The following PDZRN3 variants were observed in gnomAD, a reference collection of about 807,000 sequenced individuals.
PDZRN3 encodes the protein E3 ubiquitin-protein ligase PDZRN3.
In PDZRN3, 38 loss-of-function variants were observed where a neutral mutation model predicts 85.7. That is an observed-to-expected ratio of 0.44 (90% CI 0.34 to 0.58). The LOEUF is 0.58. Among genes scored for constraint, PDZRN3 ranks in the 20% least tolerant of loss-of-function variants. The pLI is 0.01. For missense variants in PDZRN3, 1,629 were observed against 1,506.4 expected (o/e 1.08, Z -1.35); for synonymous variants, 759 against 638.0 (o/e 1.19, Z -2.86).
chr3:73,483,728 A>G (rs1213986556), intron 3 of PDZRN3, among the ~76,000 whole-genome samples: 2 of 152,192 alleles, frequency 1.3e-5, no homozygotes, highest in Non-Finnish European at 2.9e-5. Context: ...GGTAGCCCAG[A>G]AGGAGGAGAC....
intron 3 of PDZRN3, among the ~76,000 whole-genome samples, chr3:73,558,899 A>C (rs930563580): frequency 9.2e-5 from 14 of 152,276 alleles, no homozygotes; most frequent in Non-Finnish European, 1.6e-4. Context: ...CAAAGGGATC[A>C]CAAGTGCTTC....
chr3:73,496,468 C>T (rs1277865042), intron 3 of PDZRN3, among the ~76,000 whole-genome samples: 3 of 151,948 alleles, frequency 2.0e-5, no homozygotes, highest in Non-Finnish European at 4.4e-5. Flanking sequence ...TGTCAACTCG[C>T]CATTCTTTTT....
chr3:73,531,277 G>C (rs907859406), intron 3 of PDZRN3, among the ~76,000 whole-genome samples: 6 of 147,016 alleles, frequency 4.1e-5, no homozygotes, highest in African/African-American at 1.5e-4. Context: ...AAAAAAAGGA[G>C]TGCTAACACT....
intron 3 of PDZRN3, among the ~76,000 whole-genome samples, chr3:73,411,666 G>A (rs1701971407): frequency 6.6e-6 from 1 of 150,892 alleles, no homozygotes; most frequent in Non-Finnish European, 1.5e-5. Context: ...TGGACACATA[G>A]AAGGGGCTGC....
chr3:73,446,237 A>G (rs1702745967), intron 3 of PDZRN3, among the ~76,000 whole-genome samples: 1 of 152,130 alleles, frequency 6.6e-6, no homozygotes, highest in Admixed American at 6.5e-5. Context: ...ACCATGACCT[A>G]CCTTGGCGTG....
intron 3 of PDZRN3, among the ~76,000 whole-genome samples, chr3:73,573,748 T>C (rs945684420): frequency 6.6e-6 from 1 of 152,168 alleles, no homozygotes. Context: ...GCTTTAAAAA[T>C]AGCCACACAC....
chr3:73,393,316 A>C (rs969981521), intron 5 of PDZRN3, among the ~76,000 whole-genome samples: 4 of 152,216 alleles, frequency 2.6e-5, no homozygotes, highest in Non-Finnish European at 4.4e-5. Context: ...GAAGTACAGA[A>C]GATTCTACAG....
intron 3 of PDZRN3, among the ~76,000 whole-genome samples, chr3:73,485,588 T>C (rs1011792143): frequency 1.3e-5 from 2 of 152,184 alleles, no homozygotes; most frequent in African/African-American, 2.4e-5. Context: ...TATTTTAGCA[T>C]AGGTGAGAGT....
chr3:73,599,064 A>C (rs1702472759), intron 3 of PDZRN3, among the ~76,000 whole-genome samples: 1 of 152,228 alleles, frequency 6.6e-6, no homozygotes, highest in African/African-American at 2.4e-5. Flanking sequence ...GCTTTTTATA[A>C]TTACCTGAGC....
chr3:73,450,848 TG>T (rs1314425747), intron 3 of PDZRN3, among the ~76,000 whole-genome samples: 1 of 152,132 alleles, frequency 6.6e-6, no homozygotes, highest in Non-Finnish European at 1.5e-5. Context: ...ACCCTCTGGA[TG>T]AGACCTGCAG....
rs372817785 is a variant in PDZRN3, at chr3:73,587,371, A to T, written c.918+14983T>A. Among the ~76,000 whole-genome samples the T allele has an allele frequency of 9.6e-4, 146 of 152,324 alleles. No homozygotes were observed. In the South Asian group the frequency reaches 0.011, roughly 12 times the overall value. The stretch of plus-strand genomic sequence containing the variant: ...GTATTTCTTACTGTAGGTCAGTACC[A>T]AAAAAGTTTGCAGAATACTCTTTCA... On this transcript the variant is annotated intron_variant, in intron 3 of 9. Transcript: ENST00000263666.
At chr3:73,399,294 G>A (rs1220922725) in intron 5 of PDZRN3, among the ~76,000 whole-genome samples, 1 of 152,122 alleles carries the variant, frequency 6.6e-6, no homozygotes, top group African/African-American at 2.4e-5. Flanking sequence ...GTCCCATAAA[G>A]ATTACGAAAT....
intron 3 of PDZRN3, among the ~76,000 whole-genome samples, chr3:73,455,060 C>A (rs1450748669): frequency 6.6e-6 from 1 of 151,836 alleles, no homozygotes; most frequent in African/African-American, 2.4e-5. Flanking sequence ...AGTATTGAAC[C>A]CTTATCATTT....
At position 73,409,788 on chromosome 3, in the gene PDZRN3, C is replaced by G. The variant is rs1190757908; in HGVS notation, c.919-5393G>C. On this transcript the variant is annotated intron_variant, in intron 3 of 9. Transcript: ENST00000263666. ...AGAGAGCCTTCAAAGTTTTCTACAA[C>G]TTAATCGTAAGCAGTTCAGGATATT... Among the ~76,000 whole-genome samples, 6 of 152,164 alleles carry G rather than the reference C, an allele frequency of 3.9e-5. 1 individual carries two copies. The highest frequency in any genetic ancestry group is 3.9e-4 in the Admixed American group (6 of 15,268).
At chr3:73,545,886 G>C (rs992749490) in intron 3 of PDZRN3, among the ~76,000 whole-genome samples, 1 of 152,152 alleles carries the variant, frequency 6.6e-6, no homozygotes, top group African/African-American at 2.4e-5. Context: ...GGAGGGGTTG[G>C]TGGGAGGTGA....
At chr3:73,451,190 G>C (rs140390195) in intron 3 of PDZRN3, among the ~76,000 whole-genome samples, 1 of 152,230 alleles carries the variant, frequency 6.6e-6, no homozygotes, top group East Asian at 1.9e-4. Context: ...AGGCCCCTGG[G>C]ACACCGAAAC....
At chr3:73,478,242 T>G (rs927990546) in intron 3 of PDZRN3, among the ~76,000 whole-genome samples, 4 of 151,884 alleles carry the variant, frequency 2.6e-5, no homozygotes, top group South Asian at 2.1e-4. Context: ...AAGGGAGAGG[T>G]GGGTGAGTGA....
At chr3:73,408,950 G>A (rs747357691) in intron 3 of PDZRN3, among the ~76,000 whole-genome samples, 1 of 152,132 alleles carries the variant, frequency 6.6e-6, no homozygotes, top group African/African-American at 2.4e-5. Context: ...ACCCAGTGAC[G>A]TTTGGCCCGG....
chr3:73,502,751 G>T (rs1346587805), intron 3 of PDZRN3, among the ~76,000 whole-genome samples: 2 of 152,174 alleles, frequency 1.3e-5, no homozygotes, highest in Non-Finnish European at 2.9e-5. Flanking sequence ...TCCCCCAGAG[G>T]CCAGGTATTT....
Sources: gnomAD v4.1 joint callset for allele counts (sites outside exome capture counted in the v4.1 genomes callset) on GRCh38, gnomAD v4.1.1 for gene constraint, MANE v1.5 for transcripts, NCBI Gene and HGNC (gene_info 2026-07-23, HGNC 2026-07-21) for gene names.